Variants in NCAM2 observed in about 807,000 individuals in gnomAD.
NCAM2 encodes neural cell adhesion molecule 2.
Under a neutral mutation model 98.1 loss-of-function variants are expected in NCAM2, and 30 were observed. The ratio of observed to expected loss-of-function variants is 0.31; its 90% CI spans 0.23 to 0.41. The LOEUF is 0.41. Among genes scored for constraint, NCAM2 ranks in the 10% least tolerant of loss-of-function variants. The pLI is 1.00. For missense variants in NCAM2, 867 were observed against 1,005.8 expected (o/e 0.86, Z 1.87); for synonymous variants, 368 against 342.4 (o/e 1.07, Z -0.83).
At chr21:21,297,820 G>A (rs1285122014) in intron 5 of NCAM2, among the ~76,000 whole-genome samples, 4 of 151,626 alleles carry the variant, frequency 2.6e-5, no homozygotes, top group East Asian at 1.9e-4. Context: ...TTTATAAAAT[G>A]TTCTTCTAAC....
chr21:21,295,835 TTCTC>T lies in NCAM2; in HGVS notation c.619+3612_619+3615del, dbSNP rs374173343. Among the ~76,000 whole-genome samples the T allele has an allele frequency of 2.8e-3, 314 of 112,964 alleles. 2 individuals carry two copies. Among genetic ancestry groups the T allele is most frequent in the South Asian group, 0.02 (60 of 3,018 alleles). The allele number at this position is 112,964 out of a possible 152,430, so 74.1% of individuals were successfully genotyped here. On this transcript the variant is annotated intron_variant, in intron 5 of 17. Coordinates refer to ENST00000400546, the MANE Select transcript of NCAM2 (RefSeq NM_004540.5). ...ATGCAAAACTAGTGCTTTTGTCTGTTTCTCTCTCTCTCTCTCTCTCTGTCTTTAA... is the reference window on the plus strand; with the variant it reads ...ATGCAAAACTAGTGCTTTTGTCTGTTTCTCTCTCTCTCTCTCTGTCTTTAA...
At chr21:21,404,648 T>G (rs2076700096) in intron 9 of NCAM2, among the ~76,000 whole-genome samples, 1 of 152,024 alleles carries the variant, frequency 6.6e-6, no homozygotes, top group Non-Finnish European at 1.5e-5. Flanking sequence ...TATGTATATA[T>G]AGTATGTATG....
chr21:21,344,733 G>A (rs1056620488), intron 8 of NCAM2, among the ~76,000 whole-genome samples: 2 of 152,174 alleles, frequency 1.3e-5, no homozygotes, highest in African/African-American at 4.8e-5. Flanking sequence ...ATGCAGGCCT[G>A]ACTGGCTTTG....
At position 21,489,973 on chromosome 21, in the gene NCAM2, A is replaced by T. The variant is rs892620108; in HGVS notation, c.2077+12502A>T. Among the ~76,000 whole-genome samples, 18 of 152,112 alleles carry T rather than the reference A, an allele frequency of 1.2e-4. No homozygotes were observed. The South Asian group carries it at 3.5e-3, about 30-fold the overall frequency. On this transcript the variant is annotated intron_variant, in intron 15 of 17. Transcript: ENST00000400546. ...ATCCCAATTTTTATCTAAGGAAAAC[A>T]TTCCCTCAGTTTAAATCTAATTTTA...
In NCAM2 at chr21:21,539,853, T is replaced by C. The variant is rs1230998807; in HGVS notation, c.*1896T>C. 6 of 152,324 alleles carry C rather than the reference T, an allele frequency of 3.9e-5. No individual in the cohort carries two copies. In the East Asian group the frequency reaches 1.2e-3, roughly 29 times the overall value. The allele number at this position is 152,324 out of a possible 1,614,324, so 9.4% of individuals were successfully genotyped here. On this transcript the variant is annotated 3_prime_UTR_variant, in exon 18 of 18. Transcript: ENST00000400546. The stretch of plus-strand genomic sequence containing the variant: ...ACTGGTCTTTGACAGATTTGACTGT[T>C]CATATTTAGTTTATGTTTGTCTGAT...
intron 12 of NCAM2, among the ~76,000 whole-genome samples, chr21:21,461,846 G>A (rs553208336): frequency 2.8e-4 from 42 of 152,000 alleles, no homozygotes; most frequent in African/African-American, 9.9e-4. Context: ...AAGCTTCTAA[G>A]GAAACTTAAA....
intron 12 of NCAM2, among the ~76,000 whole-genome samples, chr21:21,450,840 C>T (rs906047016): frequency 6.8e-6 from 1 of 146,546 alleles, no homozygotes; most frequent in Non-Finnish European, 1.5e-5. Context: ...ACACATATCT[C>T]CTGTCACCAA....
rs58162973 is a variant in NCAM2 at position 21,200,751 on chromosome 21, ATTTTTTTTTT to A, written c.56-79816_56-79807del. On this transcript the variant is annotated intron_variant, in intron 1 of 17. Coordinates refer to ENST00000400546, the MANE Select transcript of NCAM2 (RefSeq NM_004540.5). ...TAGGTCTAAATTAATGGGGCCCTTC[ATTTTTTTTTT>A]TTTTTTTTTTGAAGTGTCAACCCTC... Among the ~76,000 whole-genome samples, 18 of 108,666 alleles carry A rather than the reference ATTTTTTTTTT, an allele frequency of 1.7e-4. 1 individual carries two copies. In the Admixed American group the frequency reaches 1.9e-3, roughly 12 times the overall value. The allele number at this position is 108,666 out of a possible 152,430, so 71.3% of individuals were successfully genotyped here. A position where few individuals can be genotyped will look rare whatever the true frequency, so the allele number is the denominator to read the frequency against.
At chr21:21,008,350 G>T (rs563890590) in intron 1 of NCAM2, among the ~76,000 whole-genome samples, 53 of 152,212 alleles carry the variant, frequency 3.5e-4, no homozygotes, top group African/African-American at 1.2e-3. Context: ...AATCATCAAA[G>T]GGTAAGAATT....
chr21:21,337,444 TA>T (rs2074902887), intron 7 of NCAM2, among the ~76,000 whole-genome samples: 1 of 152,088 alleles, frequency 6.6e-6, no homozygotes, highest in African/African-American at 2.4e-5. Flanking sequence ...AGTGAATTGT[TA>T]AAAATTCTGT....
At chr21:21,120,829 C>T (rs1050273125) in intron 1 of NCAM2, among the ~76,000 whole-genome samples, 5 of 151,682 alleles carry the variant, frequency 3.3e-5, no homozygotes, top group Admixed American at 1.3e-4. Flanking sequence ...GTCGATTCTC[C>T]TGCCTCAGCC....
chr21:21,087,126 T>G (rs892793088), intron 1 of NCAM2, among the ~76,000 whole-genome samples: 1 of 151,984 alleles, frequency 6.6e-6, no homozygotes, highest in Non-Finnish European at 1.5e-5. Flanking sequence ...CCTTAAGTCC[T>G]TTCATGGTAA....
intron 1 of NCAM2, among the ~76,000 whole-genome samples, chr21:21,151,941 T>A (rs1271707815): frequency 6.6e-6 from 1 of 152,060 alleles, no homozygotes; most frequent in Non-Finnish European, 1.5e-5. Context: ...CTCATTATAA[T>A]TTCTTTATGT....
intron 1 of NCAM2, among the ~76,000 whole-genome samples, chr21:21,102,770 T>C (rs974563386): frequency 6.6e-6 from 1 of 152,014 alleles, no homozygotes; most frequent in African/African-American, 2.4e-5. Context: ...CAACCTACTT[T>C]TGGTTTTAGA....
chr21:21,125,595 TTAAATATA>T lies in NCAM2; in HGVS notation c.55+126989_55+126996del, dbSNP rs1472593281. ...ATAAAACATATAATATACATATTTA[TTAAATATA>T]TAAATATATAATATGTTATATATAA... On this transcript the variant is annotated intron_variant, in intron 1 of 17. Coordinates refer to ENST00000400546, the MANE Select transcript of NCAM2 (RefSeq NM_004540.5). Among the ~76,000 whole-genome samples the T allele has an allele frequency of 2.3e-5, 3 of 132,018 alleles. No individual in the cohort carries two copies. The East Asian group carries it at 6.3e-4, about 28-fold the overall frequency. The allele number at this position is 132,018 out of a possible 152,430, so 86.6% of individuals were successfully genotyped here.
chr21:21,214,734 TA>T (rs951950724), intron 1 of NCAM2, among the ~76,000 whole-genome samples: 5 of 87,884 alleles, frequency 5.7e-5, no homozygotes, highest in Admixed American at 2.7e-4. Context: ...TATATATATA[TA>T]TATATATATA....
At chr21:21,454,690 A>G (rs1335927560) in intron 12 of NCAM2, among the ~76,000 whole-genome samples, 1 of 152,054 alleles carries the variant, frequency 6.6e-6, no homozygotes, top group Non-Finnish European at 1.5e-5. Flanking sequence ...GTTAAAAAAC[A>G]TATTCAAGAT....
At chr21:21,329,635 T>C (rs2074618143) in intron 6 of NCAM2, among the ~76,000 whole-genome samples, 1 of 152,220 alleles carries the variant, frequency 6.6e-6, no homozygotes, top group Non-Finnish European at 1.5e-5. Flanking sequence ...CATCATTTTC[T>C]TGTTCTTGAC....
chr21:21,419,142 C>G (rs1467221459), intron 11 of NCAM2, among the ~76,000 whole-genome samples: 1 of 151,962 alleles, frequency 6.6e-6, no homozygotes, highest in Non-Finnish European at 1.5e-5. Context: ...GGTAACAATA[C>G]AGATTGCTTT....
Sources: gnomAD v4.1 joint callset for allele counts (sites outside exome capture counted in the v4.1 genomes callset) on GRCh38, gnomAD v4.1.1 for gene constraint, MANE v1.5 for transcripts, NCBI Gene and HGNC (gene_info 2026-07-23, HGNC 2026-07-21) for gene names.